CDH13: variants seen among roughly 807,000 people sequenced by gnomAD.
CDH13 encodes cadherin 13, also known as cadherin-13.
In CDH13, 24 loss-of-function variants were observed where a neutral mutation model predicts 63.8. The ratio of observed to expected loss-of-function variants is 0.38; its 90% CI spans 0.27 to 0.53. The LOEUF (loss-of-function observed/expected upper bound fraction) is 0.53, where lower values mean the gene tolerates loss of function less well. Ranked by LOEUF, CDH13 falls within the 20% of genes least tolerant of loss-of-function variation. The pLI is 0.85. For synonymous variants in CDH13, 503 were observed against 355.3 expected (o/e 1.42, Z -4.67); for missense variants, 1,049 against 903.1 (o/e 1.16, Z -2.07).
At chr16:83,134,579 GAGAGAGAGAGAGAGTGAGT>G (rs2036199051) in intron 4 of CDH13, among the ~76,000 whole-genome samples, 1 of 62,218 alleles carries the variant, frequency 1.6e-5, no homozygotes, top group Non-Finnish European at 3.0e-5. Flanking sequence ...GAGAGAGAGA[GAGAGAGAGAGAGAGTGAGT>G]TACATGACTG....
At chr16:83,609,025 C>T (rs1483103105) in intron 8 of CDH13, among the ~76,000 whole-genome samples, 1 of 151,416 alleles carries the variant, frequency 6.6e-6, no homozygotes, top group African/African-American at 2.4e-5. Context: ...AGTTTAGAAA[C>T]TTTTTTTTTG....
At chr16:83,407,954 C>A (rs936189049) in intron 6 of CDH13, among the ~76,000 whole-genome samples, 1 of 152,096 alleles carries the variant, frequency 6.6e-6, no homozygotes, top group Non-Finnish European at 1.5e-5. Context: ...TTTCCTAAGC[C>A]CTCTTCCCAC....
At position 83,512,365 on chromosome 16, in the gene CDH13, T is replaced by TAAATA. The variant is rs1555564549; in HGVS notation, c.960+25719_960+25723dup. Among the ~76,000 whole-genome samples, 53 of 108,552 alleles carry TAAATA rather than the reference T, an allele frequency of 4.9e-4. No individual in the cohort carries two copies. The South Asian group carries it at 0.01, about 21-fold the overall frequency. The allele number at this position is 108,552 out of a possible 152,430, so 71.2% of individuals were successfully genotyped here. A position where few individuals can be genotyped will look rare whatever the true frequency, so the allele number is the denominator to read the frequency against. ...ATAAATAAATAAATAAATAAATAAA[T>TAAATA]AAATAAAATAAAAATAAAGGAAGGG... On this transcript the variant is annotated intron_variant, in intron 7 of 13. Transcript: ENST00000567109.
intron 6 of CDH13, among the ~76,000 whole-genome samples, chr16:83,414,883 T>C (rs552331647): frequency 1.3e-5 from 2 of 152,300 alleles, no homozygotes; most frequent in East Asian, 3.9e-4. Flanking sequence ...GTGGTAGCTC[T>C]CCAGTAATAT....
At position 83,207,523 on chromosome 16, in the gene CDH13, T is replaced by C. The variant is rs79579984; in HGVS notation, c.484-9822T>C. ...TACACATACACTTTTTTAAATCCATTCATCTGTTGATGGACACCTGAGTTG... is the reference window on the plus strand; with the variant it reads ...TACACATACACTTTTTTAAATCCATCCATCTGTTGATGGACACCTGAGTTG... On this transcript the variant is annotated intron_variant, in intron 4 of 13. Coordinates refer to ENST00000567109, the MANE Select transcript of CDH13 (RefSeq NM_001257.5). Among the ~76,000 whole-genome samples, 1,285 of 152,326 alleles carry C rather than the reference T, an allele frequency of 8.4e-3. 9 individuals are homozygous for C. The highest frequency in any genetic ancestry group is 0.015 in the Non-Finnish European group (1,008 of 68,024).
At chr16:83,151,420 G>A (rs897194628) in intron 4 of CDH13, among the ~76,000 whole-genome samples, 1 of 152,130 alleles carries the variant, frequency 6.6e-6, no homozygotes, top group African/African-American at 2.4e-5. Context: ...GCTCCCTCCA[G>A]CAGGGAATAT....
chr16:82,784,057 G>T (rs559757573), intron 1 of CDH13, among the ~76,000 whole-genome samples: 8 of 152,264 alleles, frequency 5.3e-5, no homozygotes, highest in African/African-American at 1.9e-4. Context: ...CCCAGTGCTT[G>T]TTTTGAATGC....
At chr16:83,429,644 G>C (rs1406159419) in intron 6 of CDH13, among the ~76,000 whole-genome samples, 1 of 152,180 alleles carries the variant, frequency 6.6e-6, no homozygotes, top group Non-Finnish European at 1.5e-5. Context: ...CTGAGGGGAA[G>C]GTGACCAGTT....
At chr16:83,105,478 C>G (rs557745014) in intron 3 of CDH13, among the ~76,000 whole-genome samples, 18 of 152,304 alleles carry the variant, frequency 1.2e-4, no homozygotes, top group Non-Finnish European at 2.5e-4. Flanking sequence ...GAGAGGAGAA[C>G]AGTGTCCCTT....
chr16:82,686,512 C>A (rs1567626624), intron 1 of CDH13, among the ~76,000 whole-genome samples: 1 of 152,204 alleles, frequency 6.6e-6, no homozygotes, highest in Non-Finnish European at 1.5e-5. Flanking sequence ...CAGTGCGATG[C>A]ATGGGTCACA....
At chr16:83,547,619 A>G (rs1190442033) in intron 7 of CDH13, among the ~76,000 whole-genome samples, 1 of 152,236 alleles carries the variant, frequency 6.6e-6, no homozygotes, top group Non-Finnish European at 1.5e-5. Flanking sequence ...ATGTTCCTGC[A>G]AAGGACATGA....
At chr16:83,055,203 C>T (rs866006724) in intron 3 of CDH13, among the ~76,000 whole-genome samples, 1 of 151,798 alleles carries the variant, frequency 6.6e-6, no homozygotes, top group African/African-American at 2.4e-5. Context: ...AGATTTACAA[C>T]CTTGAATGCA....
At chr16:83,773,665 G>A (rs147414063) in intron 11 of CDH13, among the ~76,000 whole-genome samples, 309 of 152,292 alleles carry the variant, frequency 2.0e-3, no homozygotes, top group African/African-American at 6.9e-3. Context: ...TCTAGAGTCT[G>A]AAAGAAGCCC....
chr16:83,020,694 C>G (rs997811848), intron 2 of CDH13, among the ~76,000 whole-genome samples: 4 of 152,210 alleles, frequency 2.6e-5, no homozygotes, highest in African/African-American at 9.6e-5. Context: ...TTGTGTTCCT[C>G]TCTCTCTTTC....
chr16:82,748,513 G>A (rs2034277265), intron 1 of CDH13, among the ~76,000 whole-genome samples: 1 of 152,146 alleles, frequency 6.6e-6, no homozygotes, highest in Admixed American at 6.5e-5. Flanking sequence ...ATAGATATCT[G>A]TTCTGTTGGT....
chr16:82,688,814 T>C (rs1055266367), intron 1 of CDH13: 15 of 152,162 alleles, frequency 9.9e-5, no homozygotes, highest in African/African-American at 3.6e-4. Context: ...GGGTTGGTGA[T>C]TTGGTCACCA....
At chr16:82,671,510 A>G (rs1343959859) in intron 1 of CDH13, among the ~76,000 whole-genome samples, 2 of 152,232 alleles carry the variant, frequency 1.3e-5, no homozygotes, top group African/African-American at 4.8e-5. Flanking sequence ...GAAAACGATT[A>G]CACCTATACC....
At chr16:83,767,998 G>A (rs1306583906) in intron 11 of CDH13, among the ~76,000 whole-genome samples, 2 of 151,812 alleles carry the variant, frequency 1.3e-5, no homozygotes, top group South Asian at 4.2e-4. Context: ...AAGTAAAGTA[G>A]AATTAGAAAA....
chr16:82,814,497 C>T (rs2037605679), intron 1 of CDH13, among the ~76,000 whole-genome samples: 1 of 152,042 alleles, frequency 6.6e-6, no homozygotes, highest in Admixed American at 6.6e-5. Flanking sequence ...CCATGATAAC[C>T]CCAAAGGACA....
Sources: allele counts gnomAD v4.1 joint callset (sites outside exome capture counted in the v4.1 genomes callset), GRCh38; gene constraint gnomAD v4.1.1; transcripts MANE v1.5; gene names NCBI Gene and HGNC (gene_info 2026-07-23, HGNC 2026-07-21).